The following CC2D2B variants were observed in gnomAD, a reference collection of about 807,000 sequenced individuals.
CC2D2B encodes coiled-coil and C2 domain containing 2B.
In CC2D2B, 128 loss-of-function variants were observed where a neutral mutation model predicts 161.2. The observed-to-expected ratio is 0.79, with a 90% CI of 0.69 to 0.92. The LOEUF (loss-of-function observed/expected upper bound fraction) is 0.92, where lower values mean the gene tolerates loss of function less well. Ranked by LOEUF, CC2D2B falls within the 40% of genes least tolerant of loss-of-function variation. The probability of loss-of-function intolerance (pLI) is 0.00; values close to 1 mark genes in which losing one functional copy is unlikely to be tolerated. For missense variants in CC2D2B, 1,173 were observed against 1,375.1 expected (o/e 0.85, Z 2.32); for synonymous variants, 391 against 449.8 (o/e 0.87, Z 1.65).
At chr10:95,972,246 C>T in intron 16 of CC2D2B, 30 bp downstream of exon 16, 3 of 1,224,612 alleles carry the variant, frequency 2.4e-6, no homozygotes, top group Non-Finnish European at 3.1e-6. Context: ...TACATTCCCC[C>T]TATTTTCTTC....
rs185246367 is a variant in CC2D2B, at chr10:96,008,292, A to G, written c.2947-1533A>G. Among the ~76,000 whole-genome samples the G allele has an allele frequency of 6.7e-3, 1,012 of 151,946 alleles. 6 individuals carry two copies. The highest frequency in any genetic ancestry group is 9.6e-3 in the Non-Finnish European group (655 of 67,950). On this transcript the variant is annotated intron_variant, in intron 25 of 34. Coordinates refer to ENST00000646931, the MANE Select transcript of CC2D2B (RefSeq NM_001349008.3). ...ATATAGCAGTATTCCATTGATAAAC[A>G]TGCATTTCATTGCTTGTTTATATAT...
intron 19 of CC2D2B, among the ~76,000 whole-genome samples, chr10:95,987,143 T>G (rs147626482): frequency 1.3e-5 from 2 of 151,798 alleles, no homozygotes; most frequent in African/African-American, 4.8e-5. Flanking sequence ...ACCAACATGG[T>G]GAGACCCTCG....
intron 2 of CC2D2B, among the ~76,000 whole-genome samples, chr10:95,916,395 A>G (rs1264104872): frequency 6.6e-6 from 1 of 151,408 alleles, no homozygotes; most frequent in Non-Finnish European, 1.5e-5. Context: ...TTTTAATGTG[A>G]TTTATTTCCT....
chr10:95,915,262 G>A (rs10882687), intron 2 of CC2D2B, among the ~76,000 whole-genome samples: 124,368 of 152,206 alleles, frequency 0.82, 51,851 homozygotes, highest in African/African-American at 0.96. Context: ...TCAATTTTAT[G>A]TCCTGCAACT....
intron 33 of CC2D2B, among the ~76,000 whole-genome samples, chr10:96,026,553 A>G (rs181178122): frequency 2.4e-4 from 36 of 152,298 alleles, no homozygotes; most frequent in Non-Finnish European, 4.7e-4. Flanking sequence ...GTCCAAGTCA[A>G]GGGAGGGTCT....
intron 26 of CC2D2B, among the ~76,000 whole-genome samples, chr10:96,010,881 A>G (rs1396420139): frequency 1.3e-5 from 2 of 152,114 alleles, no homozygotes; most frequent in African/African-American, 4.8e-5. Flanking sequence ...CTGACACCCA[A>G]TTTCCAAGGA....
intron 6 of CC2D2B, among the ~76,000 whole-genome samples, chr10:95,932,511 C>G (rs1283377990): frequency 1.3e-5 from 2 of 152,126 alleles, no homozygotes; most frequent in African/African-American, 4.8e-5. Context: ...TTTGCAGTGG[C>G]TGATGCTGGT....
At chr10:95,962,664 T>A (rs1054703830) in intron 12 of CC2D2B, among the ~76,000 whole-genome samples, 6 of 152,156 alleles carry the variant, frequency 3.9e-5, no homozygotes, top group Non-Finnish European at 7.4e-5. Context: ...CAACCCATTG[T>A]CCTGGGTCTT....
chr10:95,928,922 G>A (rs1564589038), intron 6 of CC2D2B, among the ~76,000 whole-genome samples: 1 of 152,148 alleles, frequency 6.6e-6, no homozygotes, highest in South Asian at 2.1e-4. Flanking sequence ...TATATACCCA[G>A]TAATGAGATT....
chr10:95,993,948 A>ATG (rs375278156), intron 22 of CC2D2B, among the ~76,000 whole-genome samples: 11 of 22,026 alleles, frequency 5.0e-4, no homozygotes, highest in African/African-American at 1.8e-3. Flanking sequence ...GTGTGTATGT[A>ATG]TGTGTATATA....
chr10:95,918,265 A>G (rs4561132), intron 2 of CC2D2B, among the ~76,000 whole-genome samples: 124,369 of 152,194 alleles, frequency 0.82, 51,861 homozygotes, highest in African/African-American at 0.96. Flanking sequence ...CTTTCAGATT[A>G]AAGAAGTCCC....
Position 95,928,092 on chromosome 10 carries a change from CCTCAGGT to C in CC2D2B, c.336+762_336+768del, listed in dbSNP as rs1182510374. On this transcript the variant is annotated intron_variant, in intron 6 of 34. Coordinates refer to ENST00000646931, the MANE Select transcript of CC2D2B (RefSeq NM_001349008.3). Reference sequence around the variant, plus strand: ...TGACACCTCTTGGTCCCTCCAGATCCCTCAGGTCCCCCTGTCAAGTCCCTCTGGGTCC... The same window carrying C: ...TGACACCTCTTGGTCCCTCCAGATCCCCCCCTGTCAAGTCCCTCTGGGTCC... 3.3e-5 allele frequency among the ~76,000 whole-genome samples: 5 copies of C among 152,232 alleles called. 1 individual carries two copies. Among genetic ancestry groups the C allele is most frequent in the Admixed American group, 3.3e-4 (5 of 15,290 alleles).
chr10:95,981,918 T>C (rs929039574), intron 17 of CC2D2B, 57 bp from the exon 18 acceptor site: 2 of 884,796 alleles, frequency 2.3e-6, no homozygotes, highest in Admixed American at 4.3e-5. Context: ...GTGTATTATA[T>C]ATAATACATA....
chr10:96,013,473 T>TGC (rs2079073261), intron 28 of CC2D2B, among the ~76,000 whole-genome samples: 1 of 147,332 alleles, frequency 6.8e-6, no homozygotes, highest in Non-Finnish European at 1.5e-5. Context: ...TATTGTAATA[T>TGC]TTAAAATTTT....
Position 95,961,864 on chromosome 10 carries a change from AG to A in CC2D2B, c.1147del (p.Asp383ThrfsTer29). 8.1e-7 allele frequency: 1 copy of A among 1,231,604 alleles called. No homozygotes were observed. The allele number at this position is 1,231,604 out of a possible 1,614,324, so 76.3% of individuals were successfully genotyped here. On this transcript the variant is annotated frameshift_variant, in exon 12 of 35. Coordinates refer to ENST00000646931, the MANE Select transcript of CC2D2B (RefSeq NM_001349008.3). LOFTEE classifies it high-confidence loss of function. ...CAGATGTATGACTTAGAAAGGGGAA[AG>A]GACCTCTCCCTACTACACAGTATAT... ...TKQMYDLERG[K>X]DLSLLHSILR...
chr10:96,023,226 T>C (rs1460251992), intron 32 of CC2D2B, among the ~76,000 whole-genome samples: 1 of 152,262 alleles, frequency 6.6e-6, no homozygotes, highest in Non-Finnish European at 1.5e-5. Flanking sequence ...GTAAAACTCA[T>C]AGTTGTGTTT....
chr10:95,964,985 A>G (rs1384323081), intron 12 of CC2D2B, among the ~76,000 whole-genome samples: 8 of 152,112 alleles, frequency 5.3e-5, no homozygotes. Flanking sequence ...TCTTTTGGGT[A>G]TATGAGTGGA....
rs867007262 is a variant in CC2D2B at position 95,993,857 on chromosome 10, G to T, written c.2642+1160G>T. Reference sequence around the variant, plus strand: ...GTGTATATATATATATATATAGAGAGAGAGAGAGAGAGAGTGTATATATAT... The same window carrying T: ...GTGTATATATATATATATATAGAGATAGAGAGAGAGAGAGTGTATATATAT... On this transcript the variant is annotated intron_variant, in intron 22 of 34. Coordinates refer to ENST00000646931, the MANE Select transcript of CC2D2B (RefSeq NM_001349008.3). Among the ~76,000 whole-genome samples, 729 of 121,644 alleles carry T rather than the reference G, an allele frequency of 6.0e-3. 12 individuals carry two copies. The highest frequency in any genetic ancestry group is 0.016 in the African/African-American group (536 of 32,644). 79.8% of individuals were successfully genotyped at this position (121,644 alleles called of 152,430 possible). A position where few individuals can be genotyped will look rare whatever the true frequency, so the allele number is the denominator to read the frequency against.
chr10:96,003,989 G>T (rs1473421979), intron 24 of CC2D2B, among the ~76,000 whole-genome samples, 163 bp from the exon 25 acceptor site: 4 of 152,272 alleles, frequency 2.6e-5, no homozygotes, highest in East Asian at 1.9e-4. Flanking sequence ...TGGCTCTAAT[G>T]AAAGGTAGCA....
Sources: gnomAD v4.1 joint callset for allele counts (sites outside exome capture counted in the v4.1 genomes callset) on GRCh38, gnomAD v4.1.1 for gene constraint, MANE v1.5 for transcripts, NCBI Gene and HGNC (gene_info 2026-07-23, HGNC 2026-07-21) for gene names.